The following DNAH14 variants were observed in gnomAD, a reference collection of about 807,000 sequenced individuals.
DNAH14 encodes the protein axonemal beta dynein heavy chain 14.
In DNAH14, 478 loss-of-function variants were observed where a neutral mutation model predicts 520.9. That is an observed-to-expected ratio of 0.92 (90% CI 0.85 to 0.99). The LOEUF (loss-of-function observed/expected upper bound fraction) is 0.99. Among genes scored for constraint, DNAH14 ranks in the 50% least tolerant of loss-of-function variants. DNAH14 has a pLI of 0.00. For synonymous variants in DNAH14, 1,581 were observed against 1,757.2 expected (o/e 0.90, Z 2.51); for missense variants, 4,831 against 5,234.5 (o/e 0.92, Z 2.38).
intron 11 of DNAH14, among the ~76,000 whole-genome samples, chr1:225,029,389 G>C (rs2066369082): frequency 6.6e-6 from 1 of 151,956 alleles, no homozygotes; most frequent in Non-Finnish European, 1.5e-5. Flanking sequence ...AAATTCATTA[G>C]AACTGCATAC....
chr1:225,327,337 A>T (rs12564215), intron 64 of DNAH14, among the ~76,000 whole-genome samples: 16,867 of 151,368 alleles, frequency 0.11, 1,095 homozygotes, highest in East Asian at 0.26. Context: ...TATTTTTTTT[A>T]TTTTTAGTAG....
At chr1:225,155,023 T>C (rs2080888974) in intron 34 of DNAH14, among the ~76,000 whole-genome samples, 1 of 151,988 alleles carries the variant, frequency 6.6e-6, no homozygotes, top group Non-Finnish European at 1.5e-5. Flanking sequence ...GCCTTAAATA[T>C]ATGAAAATAC....
At chr1:225,337,107 A>G (rs2095073534) in intron 66 of DNAH14, among the ~76,000 whole-genome samples, 159 bp from the exon 67 acceptor site, 1 of 152,178 alleles carries the variant, frequency 6.6e-6, no homozygotes, top group African/African-American at 2.4e-5. Context: ...CAAAAATTTC[A>G]TATCTAAGTT....
At chr1:225,321,602 C>T (rs2094556405) in intron 61 of DNAH14, among the ~76,000 whole-genome samples, 1 of 152,160 alleles carries the variant, frequency 6.6e-6, no homozygotes, top group Admixed American at 6.5e-5. Flanking sequence ...TGCCTTGTTC[C>T]AAGTTCCAAA....
chr1:225,158,609 T>C (rs1446289442), intron 34 of DNAH14, among the ~76,000 whole-genome samples: 1 of 152,244 alleles, frequency 6.6e-6, no homozygotes, highest in Admixed American at 6.5e-5. Flanking sequence ...TATGTTACTT[T>C]AGTGAATATT....
rs1353702856 is a variant in DNAH14, at chr1:225,259,522, C to T, written c.7157+269C>T. 2.0e-5 allele frequency among the ~76,000 whole-genome samples: 3 copies of T among 152,128 alleles called. No individual in the cohort carries two copies. In the East Asian group the frequency reaches 5.8e-4, roughly 29 times the overall value. The stretch of plus-strand genomic sequence containing the variant: ...TATACATATTGAGGAATGATTATAT[C>T]ATGTAATTCACATACCATTACCTCA... On this transcript the variant is annotated intron_variant, in intron 46 of 85. Transcript: ENST00000682510.
In DNAH14 at chr1:225,000,976, G is replaced by A. The variant is rs928049185; in HGVS notation, c.831-1807G>A. On this transcript the variant is annotated intron_variant, in intron 8 of 85. Transcript: ENST00000682510. ...AGGGTGCTTTATAACAATTCACCAA[G>A]AGTAGAACTCTAGGCTTCCCACTGA... is the stretch of plus-strand genomic sequence containing the variant. 2.6e-5 allele frequency among the ~76,000 whole-genome samples: 4 copies of A among 152,230 alleles called. No individual in the cohort carries two copies. In the East Asian group the frequency reaches 7.7e-4, roughly 29 times the overall value.
At chr1:224,989,089 A>T (rs1300007649) in intron 8 of DNAH14, among the ~76,000 whole-genome samples, 1 of 152,234 alleles carries the variant, frequency 6.6e-6, no homozygotes, top group Non-Finnish European at 1.5e-5. Context: ...TTAAATTACA[A>T]CATGAATTTT....
intron 41 of DNAH14, among the ~76,000 whole-genome samples, chr1:225,212,551 A>T (rs2088602624): frequency 6.6e-6 from 1 of 152,082 alleles, no homozygotes; most frequent in South Asian, 2.1e-4. Context: ...ATTTCTCCAC[A>T]TCCTCTCCAG....
At chr1:225,169,399 A>G (rs2082368897) in intron 36 of DNAH14, among the ~76,000 whole-genome samples, 1 of 152,218 alleles carries the variant, frequency 6.6e-6, no homozygotes, top group South Asian at 2.1e-4. Flanking sequence ...AACCCTTGAA[A>G]AAAGATTAGG....
intron 10 of DNAH14, among the ~76,000 whole-genome samples, chr1:225,011,300 CTT>C (rs1470743648): frequency 6.6e-6 from 1 of 152,140 alleles, no homozygotes; most frequent in Admixed American, 6.5e-5. Flanking sequence ...TATGTTATGT[CTT>C]TGTTCTCATT....
intron 28 of DNAH14, among the ~76,000 whole-genome samples, chr1:225,143,734 A>G (rs2079661461): frequency 6.6e-6 from 1 of 152,212 alleles, no homozygotes; most frequent in African/African-American, 2.4e-5. Context: ...AAAAAAACAT[A>G]AAATTCTTTA....
intron 35 of DNAH14, among the ~76,000 whole-genome samples, chr1:225,167,284 C>A (rs1057380268): frequency 6.6e-6 from 1 of 152,172 alleles, no homozygotes; most frequent in Non-Finnish European, 1.5e-5. Flanking sequence ...TGGAAGAGAT[C>A]TGTGAGAAAG....
At chr1:225,319,756 G>A (rs557325598) in intron 61 of DNAH14, among the ~76,000 whole-genome samples, 33 of 152,174 alleles carry the variant, frequency 2.2e-4, no homozygotes, top group Non-Finnish European at 4.4e-4. Flanking sequence ...GTTAACGGTT[G>A]TGGAAACTGT....
At chr1:225,024,130 A>G in intron 11 of DNAH14, 1 of 1,022,914 alleles carries the variant, frequency 9.8e-7, no homozygotes, top group East Asian at 6.2e-5. Context: ...CTATGTTAAA[A>G]TTATTGTTTA....
intron 1 of DNAH14, among the ~76,000 whole-genome samples, chr1:224,930,641 A>T (rs574204348): frequency 1.2e-4 from 19 of 152,282 alleles, no homozygotes; most frequent in African/African-American, 3.4e-4. Context: ...TCTGTCGCCC[A>T]GGCTGGAGTG....
intron 27 of DNAH14, among the ~76,000 whole-genome samples, chr1:225,136,931 C>T (rs576578865): frequency 2.6e-5 from 4 of 152,286 alleles, no homozygotes; most frequent in South Asian, 2.1e-4. Context: ...CTTTCCTCCA[C>T]TTGGTCTATT....
Position 225,082,649 on chromosome 1 carries a change from G to A in DNAH14, c.3237G>A (p.Lys1079=), listed in dbSNP as rs1266254219. Residue 1079 remains lysine (K), a synonymous_variant, in exon 20 of 86, where the codon AAG becomes AAA. Coordinates refer to ENST00000682510, the MANE Select transcript of DNAH14 (RefSeq NM_001367479.1). ...IIIALGNPCL[K]PRHWEALQEI... ...TAGCTCTGGGAAATCCCTGTCTCAA[G>A]CCAAGGCATTGGGAGGCTCTCCAGG... The A allele has an allele frequency of 3.9e-6, 6 of 1,551,596 alleles. No individual in the cohort carries two copies. Among genetic ancestry groups the A allele is most frequent in the Admixed American group, 2.0e-5 (1 of 51,006 alleles).
rs2065884159 is a variant in DNAH14 at position 225,023,635 on chromosome 1, CAA to C, written c.1130_1131del (p.Lys377ArgfsTer4). On this transcript the variant is annotated frameshift_variant, in exon 11 of 86. Transcript: ENST00000682510. LOFTEE classifies it high-confidence loss of function. Reference protein sequence around the residue: ...FLKVAEKNEIKEYFESKLSED... With the variant: ...FLKVAEKNEIXEYFESKLSED... ...TGTAGGTTGCAGAAAAGAATGAAAT[CAA>C]AGAGTATTTTGAGTCAAAACTCTCT... 6 of 1,529,262 alleles carry C rather than the reference CAA, an allele frequency of 3.9e-6. No individual in the cohort carries two copies. The highest frequency in any genetic ancestry group is 5.0e-5 in the East Asian group (2 of 40,318). The allele number at this position is 1,529,262 out of a possible 1,614,324, so 94.7% of individuals were successfully genotyped here. A position where few individuals can be genotyped will look rare whatever the true frequency, so the allele number is the denominator to read the frequency against.
Sources: allele counts gnomAD v4.1 joint callset (sites outside exome capture counted in the v4.1 genomes callset), GRCh38; gene constraint gnomAD v4.1.1; transcripts MANE v1.5; gene names NCBI Gene and HGNC (gene_info 2026-07-23, HGNC 2026-07-21).